Variants in ABCC4 observed in about 807,000 individuals in gnomAD.
ABCC4 encodes ATP binding cassette subfamily C member 4 (PEL blood group).
In ABCC4, 102 loss-of-function variants were observed where a neutral mutation model predicts 168.5. That is an observed-to-expected ratio of 0.61 (90% CI 0.52 to 0.71). The LOEUF (loss-of-function observed/expected upper bound fraction) is 0.71. Among genes scored for constraint, ABCC4 ranks in the 30% least tolerant of loss-of-function variants. The pLI is 0.00. For synonymous variants in ABCC4, 617 were observed against 590.7 expected, an observed-to-expected ratio of 1.04 and a Z score of -0.65; for missense variants, 1,402 against 1,605.8, an observed-to-expected ratio of 0.87 and a Z score of 2.17.
intron 20 of ABCC4, among the ~76,000 whole-genome samples, chr13:95,112,150 C>T (rs1021841345): frequency 3.9e-5 from 6 of 152,016 alleles, no homozygotes; most frequent in African/African-American, 1.5e-4. Context: ...GTTAGGAGTT[C>T]GAGACCAGCC....
intron 26 of ABCC4, among the ~76,000 whole-genome samples, chr13:95,057,250 T>G (rs2033097474): frequency 6.6e-6 from 1 of 152,188 alleles, no homozygotes; most frequent in African/African-American, 2.4e-5. Flanking sequence ...TTCAGTATTT[T>G]TTTTTTTTGA....
intron 6 of ABCC4, among the ~76,000 whole-genome samples, chr13:95,208,617 T>C (rs1222909463): frequency 1.0e-4 from 6 of 60,112 alleles, no homozygotes; most frequent in East Asian, 6.7e-4. Flanking sequence ...TCTTTTTTTT[T>C]TTTTTTTTTT....
intron 29 of ABCC4, among the ~76,000 whole-genome samples, chr13:95,038,275 A>G (rs1000855399): frequency 4.7e-5 from 7 of 148,632 alleles, no homozygotes; most frequent in African/African-American, 1.7e-4. Context: ...TTCAGCACAC[A>G]TTTATTGCAC....
intron 1 of ABCC4, among the ~76,000 whole-genome samples, chr13:95,282,943 G>A (rs1383575876): frequency 6.6e-6 from 1 of 151,956 alleles, no homozygotes; most frequent in Non-Finnish European, 1.5e-5. Context: ...AACTGGCCAG[G>A]CACAGTGGCT....
chr13:95,118,229 T>C (rs576222955), intron 19 of ABCC4, among the ~76,000 whole-genome samples: 1 of 148,916 alleles, frequency 6.7e-6, no homozygotes, highest in East Asian at 2.0e-4. Context: ...CAAAGACTGG[T>C]GTTTGCAAAA....
At chr13:95,156,287 T>C (rs1420655071) in intron 19 of ABCC4, among the ~76,000 whole-genome samples, 2 of 152,206 alleles carry the variant, frequency 1.3e-5, no homozygotes, top group Non-Finnish European at 2.9e-5. Context: ...CATATCAAGA[T>C]ACAAAGACCC....
intron 20 of ABCC4, among the ~76,000 whole-genome samples, chr13:95,106,199 G>A (rs2034997977): frequency 6.6e-6 from 1 of 151,968 alleles, no homozygotes; most frequent in Admixed American, 6.6e-5. Flanking sequence ...GACTGCCCTA[G>A]AGCCCTACAT....
chr13:95,075,103 C>T (rs2033851594), intron 22 of ABCC4: 2 of 279,598 alleles, frequency 7.2e-6, no homozygotes, highest in Non-Finnish European at 1.4e-5. Flanking sequence ...TTCATCACAA[C>T]AGAGACAATA....
chr13:95,119,581 A>G (rs1369249022), intron 19 of ABCC4, among the ~76,000 whole-genome samples: 3 of 152,178 alleles, frequency 2.0e-5, no homozygotes, highest in African/African-American at 4.8e-5. Flanking sequence ...AAATGACTCT[A>G]TTTTACAAAC....
At chr13:95,134,842 G>A (rs2036091012) in intron 19 of ABCC4, among the ~76,000 whole-genome samples, 1 of 152,124 alleles carries the variant, frequency 6.6e-6, no homozygotes, top group African/African-American at 2.4e-5. Flanking sequence ...CAAATGCCCA[G>A]AGGATCACCA....
chr13:95,134,427 A>C (rs1412440130), intron 19 of ABCC4, among the ~76,000 whole-genome samples: 1 of 152,180 alleles, frequency 6.6e-6, no homozygotes, highest in Non-Finnish European at 1.5e-5. Flanking sequence ...AAGTGTTCTA[A>C]GAATATGTAG....
chr13:95,288,215 G>C (rs189294897), intron 1 of ABCC4, among the ~76,000 whole-genome samples: 1 of 152,024 alleles, frequency 6.6e-6, no homozygotes, highest in Non-Finnish European at 1.5e-5. Context: ...CAAGATCATG[G>C]GTCTTCTGGC....
chr13:95,207,728 C>T, intron 7 of ABCC4, 72 bp downstream of exon 7: 5 of 1,514,462 alleles, frequency 3.3e-6, no homozygotes, highest in Non-Finnish European at 2.7e-6. Flanking sequence ...CATAGTAAAA[C>T]TTCTAAAACC....
At chr13:95,074,672 C>G (rs2033839763) in intron 22 of ABCC4, among the ~76,000 whole-genome samples, 1 of 152,148 alleles carries the variant, frequency 6.6e-6, no homozygotes, top group African/African-American at 2.4e-5. Flanking sequence ...TTGACTGGTC[C>G]AGTTCTCCAA....
At chr13:95,290,253 A>G (rs1048813297) in intron 1 of ABCC4, among the ~76,000 whole-genome samples, 1 of 152,164 alleles carries the variant, frequency 6.6e-6, no homozygotes, top group African/African-American at 2.4e-5. Context: ...AGGTGATCCA[A>G]TCATGGTGAG....
intron 3 of ABCC4, among the ~76,000 whole-genome samples, chr13:95,245,520 C>G (rs553733349): frequency 6.6e-6 from 1 of 152,320 alleles, no homozygotes; most frequent in Admixed American, 6.5e-5. Flanking sequence ...TGGGACACCC[C>G]AGCACAGGTT....
chr13:95,164,054 A>AAAAAAAAAAG (rs59935866), intron 16 of ABCC4, among the ~76,000 whole-genome samples: 5 of 139,032 alleles, frequency 3.6e-5, no homozygotes, highest in African/African-American at 8.3e-5. Flanking sequence ...AAAAAAAAAA[A>AAAAAAAAAAG]AAAGAAAGAA....
intron 19 of ABCC4, among the ~76,000 whole-genome samples, chr13:95,119,991 T>C (rs2035507060): frequency 6.6e-6 from 1 of 152,206 alleles, no homozygotes; most frequent in South Asian, 2.1e-4. Context: ...CTTTGCTTTT[T>C]CAGTATCTTT....
At chr13:95,246,791 C>T (rs1200095682) in intron 3 of ABCC4, among the ~76,000 whole-genome samples, 184 bp downstream of exon 3, 2 of 152,144 alleles carry the variant, frequency 1.3e-5, no homozygotes, top group East Asian at 1.9e-4. Flanking sequence ...TGGATAAATA[C>T]GCTCACTGAA....
Sources: gnomAD v4.1 joint callset for allele counts (sites outside exome capture counted in the v4.1 genomes callset) on GRCh38, gnomAD v4.1.1 for gene constraint, MANE v1.5 for transcripts, NCBI Gene and HGNC (gene_info 2026-07-23, HGNC 2026-07-21) for gene names.